Variants in BRINP3 observed in about 807,000 individuals in gnomAD.
The protein encoded by BRINP3 is BMP/retinoic acid-inducible neural-specific protein 3.
In BRINP3, 19 loss-of-function variants were observed where a neutral mutation model predicts 71.0. That is an observed-to-expected ratio of 0.27 (90% confidence interval 0.19 to 0.39). The LOEUF is 0.39. Among genes scored for constraint, BRINP3 ranks in the 10% least tolerant of loss-of-function variants. BRINP3 has a pLI of 1.00. For synonymous variants in BRINP3, 380 were observed against 337.7 expected (o/e 1.13, Z -1.37); for missense variants, 959 against 940.8 (o/e 1.02, Z -0.25).
intron 6 of BRINP3, among the ~76,000 whole-genome samples, chr1:190,200,456 C>G (rs1168724065): frequency 6.6e-6 from 1 of 152,086 alleles, no homozygotes; most frequent in Non-Finnish European, 1.5e-5. Context: ...AAATGGATGA[C>G]TGGTGTCAAA....
At chr1:190,229,560 A>C (rs950545311) in intron 5 of BRINP3, among the ~76,000 whole-genome samples, 2 of 151,868 alleles carry the variant, frequency 1.3e-5, no homozygotes, top group African/African-American at 4.8e-5. Flanking sequence ...ATTGACATTT[A>C]TACCAACCAT....
At chr1:190,333,920 A>C (rs1667124005) in intron 2 of BRINP3, among the ~76,000 whole-genome samples, 1 of 151,814 alleles carries the variant, frequency 6.6e-6, no homozygotes, top group Non-Finnish European at 1.5e-5. Flanking sequence ...AGCCCTTCAA[A>C]TATTCATAGG....
chr1:190,333,905 T>C (rs1042104663), intron 2 of BRINP3, among the ~76,000 whole-genome samples: 4 of 151,940 alleles, frequency 2.6e-5, no homozygotes, highest in African/African-American at 9.7e-5. Context: ...CTCACTCTAC[T>C]TGACAGCCCT....
intron 7 of BRINP3, among the ~76,000 whole-genome samples, chr1:190,115,781 T>C (rs1281049624): frequency 2.0e-5 from 3 of 152,146 alleles, no homozygotes; most frequent in Non-Finnish European, 1.5e-5. Context: ...TAATTTCTTA[T>C]TGCAGCTCTA....
chr1:190,097,914 GA>G lies in BRINP3; in HGVS notation c.*103del. The G allele has an allele frequency of 8.1e-7, 1 of 1,234,776 alleles. No homozygotes were observed. 76.5% of individuals were successfully genotyped at this position (1,234,776 alleles called of 1,614,324 possible). On this transcript the variant is annotated 3_prime_UTR_variant, in exon 8 of 8. Coordinates refer to ENST00000367462, the MANE Select transcript of BRINP3 (RefSeq NM_199051.3). Reference sequence around the variant, plus strand: ...CAATGTTATTGACTGATATAAGACAGATATTGAAAAGACAATTTAAATTTAC... The same window carrying G: ...CAATGTTATTGACTGATATAAGACAGTATTGAAAAGACAATTTAAATTTAC...
chr1:190,207,600 T>C (rs1310159365), intron 6 of BRINP3, among the ~76,000 whole-genome samples: 1 of 152,124 alleles, frequency 6.6e-6, no homozygotes, highest in Non-Finnish European at 1.5e-5. Flanking sequence ...GCATGCTATA[T>C]AGGTGTCACT....
chr1:190,098,427 C>A lies in BRINP3; in HGVS notation c.1892G>T (p.Ser631Ile). ...ATTGGGACCATTGGACTTGATGCGA[C>A]TTCTCAGGTAGATGTGTACTGTCTC... ...FFETVHIYLR[S>I]RIKSNGPNGN... is the part of the protein sequence containing the mutation. The change falls in exon 8 of 8, where the codon AGT (serine) becomes ATT (isoleucine). Residue 631 changes from serine to isoleucine, a missense_variant. Ser to Ile is a moderately radical substitution (Grantham distance 142). Coordinates refer to ENST00000367462, the MANE Select transcript of BRINP3 (RefSeq NM_199051.3). 1 of 1,614,168 alleles carries A rather than the reference C, an allele frequency of 6.2e-7. No homozygotes were observed. The highest frequency in any genetic ancestry group is 8.5e-7 in the Non-Finnish European group (1 of 1,180,030).
chr1:190,392,708 A>G (rs1233931793), intron 2 of BRINP3, among the ~76,000 whole-genome samples: 1 of 151,620 alleles, frequency 6.6e-6, no homozygotes, highest in East Asian at 1.9e-4. Flanking sequence ...AAAAATTTAA[A>G]ACCTCCATGT....
chr1:190,418,762 C>T (rs962415164), intron 2 of BRINP3, among the ~76,000 whole-genome samples: 4 of 151,928 alleles, frequency 2.6e-5, no homozygotes, highest in South Asian at 2.1e-4. Flanking sequence ...TGAGGAGTTA[C>T]GTAAGGTATG....
chr1:190,235,056 C>T (rs532692089), intron 4 of BRINP3, among the ~76,000 whole-genome samples: 1 of 152,102 alleles, frequency 6.6e-6, no homozygotes, highest in Non-Finnish European at 1.5e-5. Context: ...ACATCCTCCA[C>T]TCCCACCTCA....
intron 7 of BRINP3, among the ~76,000 whole-genome samples, chr1:190,105,665 A>G (rs993063757): frequency 6.6e-6 from 1 of 152,090 alleles, no homozygotes; most frequent in African/African-American, 2.4e-5. Flanking sequence ...ACAGCTTCTT[A>G]TCGTCATGAA....
rs544324325 is a variant in BRINP3, at chr1:190,282,180, T to A, written c.237-430A>T. On this transcript the variant is annotated intron_variant, in intron 2 of 7. Coordinates refer to ENST00000367462, the MANE Select transcript of BRINP3 (RefSeq NM_199051.3). ...CTCTATTCACTTTAGAGTGGGAACA[T>A]AAAAAACCTCAGGAATATTAAGGAG... Among the ~76,000 whole-genome samples the A allele has an allele frequency of 2.0e-5, 3 of 151,210 alleles. 1 individual carries two copies. The highest frequency in any genetic ancestry group is 7.3e-5 in the African/African-American group (3 of 41,274).
rs563642963 is a variant in BRINP3, at chr1:190,184,329, C to T, written c.962-23439G>A. On this transcript the variant is annotated intron_variant, in intron 6 of 7. Transcript: ENST00000367462. ...ACTGTGGAAAGCCATCTGAAGATTT[C>T]TCAAAGAACTTAAAACAGAGCTACC... is the stretch of plus-strand genomic sequence containing the variant. Among the ~76,000 whole-genome samples, 124 of 152,248 alleles carry T rather than the reference C, an allele frequency of 8.1e-4. 1 individual carries two copies. Among genetic ancestry groups the T allele is most frequent in the East Asian group, 3.3e-3 (17 of 5,174 alleles).
intron 6 of BRINP3, among the ~76,000 whole-genome samples, chr1:190,216,000 G>T (rs1423740337): frequency 6.7e-6 from 1 of 148,810 alleles, no homozygotes; most frequent in Admixed American, 6.7e-5. Context: ...TATAAGTAAT[G>T]AAGTTTTTTA....
At chr1:190,337,509 A>G (rs1416345143) in intron 2 of BRINP3, among the ~76,000 whole-genome samples, 1 of 151,982 alleles carries the variant, frequency 6.6e-6, no homozygotes, top group African/African-American at 2.4e-5. Flanking sequence ...GAAGGGCTAG[A>G]CTGGCTGAGT....
intron 4 of BRINP3, among the ~76,000 whole-genome samples, chr1:190,255,366 TC>T (rs1183829654): frequency 6.6e-6 from 1 of 152,106 alleles, no homozygotes; most frequent in Non-Finnish European, 1.5e-5. Context: ...TGGTACCAGC[TC>T]TTCTTTGTAC....
intron 2 of BRINP3, among the ~76,000 whole-genome samples, chr1:190,338,131 A>G (rs1667413572): frequency 6.6e-6 from 1 of 152,110 alleles, no homozygotes; most frequent in African/African-American, 2.4e-5. Context: ...TCTAAACTTG[A>G]CATTTTAGTA....
intron 5 of BRINP3, among the ~76,000 whole-genome samples, chr1:190,233,826 T>G (rs1347793249): frequency 7.9e-5 from 12 of 152,190 alleles, no homozygotes; most frequent in Admixed American, 7.9e-4. Context: ...ATATCTAAAC[T>G]ATGTAGTAAT....
At chr1:190,424,188 T>C (rs552867681) in intron 2 of BRINP3, among the ~76,000 whole-genome samples, 1 of 151,844 alleles carries the variant, frequency 6.6e-6, no homozygotes, top group African/African-American at 2.4e-5. Flanking sequence ...ATGTTGTGAG[T>C]TCTAACCTTC....
Sources: gnomAD v4.1 joint callset for allele counts (sites outside exome capture counted in the v4.1 genomes callset) on GRCh38, gnomAD v4.1.1 for gene constraint, MANE v1.5 for transcripts, NCBI Gene and HGNC (gene_info 2026-07-23, HGNC 2026-07-21) for gene names.